KIDINS220: variants seen among roughly 807,000 people sequenced by gnomAD.
The protein encoded by KIDINS220 is kinase D-interacting substrate of 220 kDa.
KIDINS220 carries 63 observed loss-of-function variants against 157.6 expected under a neutral mutation model. That is an observed-to-expected ratio of 0.40 (90% confidence interval 0.33 to 0.49). The LOEUF is 0.49. Ranked by LOEUF, KIDINS220 falls within the 20% of genes least tolerant of loss-of-function variation. The pLI, the probability that KIDINS220 is intolerant of heterozygous loss-of-function variation, is 0.66. For missense variants in KIDINS220, 1,772 were observed against 2,171.2 expected (o/e 0.82, Z 3.65); for synonymous variants, 732 against 783.6 (o/e 0.93, Z 1.10).
At chr2:8,793,735 G>T in intron 12 of KIDINS220, 75 bp downstream of exon 12, 1 of 1,349,702 alleles carries the variant, frequency 7.4e-7, no homozygotes, top group Non-Finnish European at 1.0e-6. Context: ...CACCATGCCT[G>T]GCCTTATTTT....
At chr2:8,790,178 CT>C (rs1673000720) in intron 13 of KIDINS220, 119 bp from the exon 14 acceptor site, 2 of 866,178 alleles carry the variant, frequency 2.3e-6, no homozygotes, top group Admixed American at 3.1e-5. Context: ...TAGTAGGTCC[CT>C]AGATGGAATA....
downstream of KIDINS220, among the ~76,000 whole-genome samples, chr2:8,725,994 G>A (rs189408509): frequency 1.6e-4 from 24 of 152,260 alleles, no homozygotes; most frequent in East Asian, 9.7e-4. Flanking sequence ...CTGAAGCTCC[G>A]CAGGCAGACT....
intron 27 of KIDINS220, among the ~76,000 whole-genome samples, chr2:8,735,448 C>T (rs1664733695): frequency 1.3e-5 from 2 of 152,120 alleles, no homozygotes; most frequent in Admixed American, 1.3e-4. Context: ...AGGAGGATCG[C>T]TTGCACCCAG....
In KIDINS220 at chr2:8,729,361, A is replaced by G. The variant is rs893276912; in HGVS notation, c.*1359T>C. On this transcript the variant is annotated 3_prime_UTR_variant, in exon 30 of 30. Transcript: ENST00000256707. The stretch of plus-strand genomic sequence containing the variant: ...ATCGAAAATGTAACACTGAATCTAG[A>G]TAATAGCGCATCTGCGATCTCACCA... The G allele has an allele frequency of 2.0e-6, 2 of 985,382 alleles. No homozygotes were observed. Among genetic ancestry groups the G allele is most frequent in the African/African-American group, 1.7e-5 (1 of 57,264 alleles). The allele number at this position is 985,382 out of a possible 1,614,324, so 61.0% of individuals were successfully genotyped here.
chr2:8,814,623 C>T (rs1044205704), intron 4 of KIDINS220, among the ~76,000 whole-genome samples: 1 of 152,200 alleles, frequency 6.6e-6, no homozygotes, highest in Non-Finnish European at 1.5e-5. Context: ...ATGGTAGTAA[C>T]TGCTGCAAGT....
intron 17 of KIDINS220, among the ~76,000 whole-genome samples, chr2:8,781,880 G>T (rs13404432): frequency 1.3e-5 from 2 of 152,010 alleles, no homozygotes; most frequent in Non-Finnish European, 2.9e-5. Flanking sequence ...CCAGCACTTT[G>T]GGAGGCCAAG....
In KIDINS220 at chr2:8,817,696, T is replaced by G; in HGVS notation, c.228A>C (p.Ile76=). The G allele has an allele frequency of 6.2e-7, 1 of 1,605,168 alleles. No individual in the cohort carries two copies. Among genetic ancestry groups the G allele is most frequent in the Non-Finnish European group, 8.5e-7 (1 of 1,175,406 alleles). The change falls in exon 4 of 30, where the codon ATA becomes ATC. Residue 76 remains isoleucine, a synonymous_variant. Coordinates refer to ENST00000256707, the MANE Select transcript of KIDINS220 (RefSeq NM_020738.4). ...GCACATGCCCTTCTTTCGATGCAGA[T>G]ATAAGTGCTGTCCAATTATCCTTGA... ...LEDLDNWTAL[I]SASKEGHVHI...
intron 29 of KIDINS220, 48 bp downstream of exon 29, chr2:8,733,396 C>CG: frequency 6.9e-7 from 1 of 1,442,902 alleles, no homozygotes; most frequent in Non-Finnish European, 9.7e-7. Flanking sequence ...GTGAACTGAA[C>CG]GGTGTGCTTA....
intron 1 of KIDINS220, among the ~76,000 whole-genome samples, chr2:8,833,340 C>A (rs1679924934): frequency 6.6e-6 from 1 of 152,148 alleles, no homozygotes; most frequent in African/African-American, 2.4e-5. Flanking sequence ...TACATAATAA[C>A]AGAATATGAT....
At chr2:8,782,354 G>GA (rs1391543064) in intron 17 of KIDINS220, among the ~76,000 whole-genome samples, 3 of 152,008 alleles carry the variant, frequency 2.0e-5, no homozygotes, top group African/African-American at 7.2e-5. Flanking sequence ...ACAAATAAAA[G>GA]AGAGGCTACC....
intron 14 of KIDINS220, among the ~76,000 whole-genome samples, chr2:8,789,349 G>A (rs1226144756): frequency 8.0e-5 from 4 of 50,016 alleles, no homozygotes; most frequent in Admixed American, 3.0e-4. Context: ...GAGCAGTGGC[G>A]CCATCTCGGC....
chr2:8,786,378 A>C, intron 15 of KIDINS220, 21 bp from the exon 16 acceptor site: 1 of 1,589,726 alleles, frequency 6.3e-7, no homozygotes. Context: ...AGAACAAATC[A>C]AACATTACTT....
Position 8,736,975 on chromosome 2 carries a change from C to A in KIDINS220, c.3610G>T (p.Val1204Leu), listed in dbSNP as rs760796094. 6.2e-7 allele frequency: 1 copy of A among 1,614,184 alleles called. No individual in the cohort carries two copies. Among genetic ancestry groups the A allele is most frequent in the African/African-American group, 1.3e-5 (1 of 75,050 alleles). ...ACATTCAGTGAATTCAGTAATACCA[C>A]TGGGCCTGGGGCTGGGCCTGACCCC... ...SRGSGPAPGP[V>L]VLLNSLNVDA... is the part of the protein sequence containing the mutation. The change falls in exon 27 of 30, where the codon GTG (valine) becomes TTG (leucine). Residue 1204 changes from valine to leucine, a missense_variant. By Grantham distance (32) the Val-to-Leu change is conservative. This residue lies in a region of KIDINS220 where 793 missense variants were observed against 885.5 expected (regional missense o/e 0.90). Transcript: ENST00000256707.
At chr2:8,796,655 A>G (rs1449963005) in intron 11 of KIDINS220, 116 bp downstream of exon 11, 2 of 806,680 alleles carry the variant, frequency 2.5e-6, no homozygotes, top group African/African-American at 3.4e-5. Context: ...AGACATCCCC[A>G]GCAAGTCATC....
chr2:8,820,575 T>C (rs1049638734), intron 2 of KIDINS220, among the ~76,000 whole-genome samples: 12 of 152,192 alleles, frequency 7.9e-5, no homozygotes, highest in African/African-American at 9.7e-5. Flanking sequence ...ACGTTAAATA[T>C]AGACATTCCT....
intron 13 of KIDINS220, among the ~76,000 whole-genome samples, chr2:8,790,735 A>G (rs895160096): frequency 7.2e-5 from 11 of 152,220 alleles, no homozygotes; most frequent in African/African-American, 2.7e-4. Flanking sequence ...CTGTTCTTGC[A>G]AGAGCAAACA....
intron 1 of KIDINS220, among the ~76,000 whole-genome samples, chr2:8,827,899 CGT>C (rs1447227884): frequency 6.6e-6 from 1 of 152,120 alleles, no homozygotes; most frequent in Admixed American, 6.5e-5. Flanking sequence ...TGGGCCCCAC[CGT>C]CAGAGATTCT....
intron 21 of KIDINS220, among the ~76,000 whole-genome samples, chr2:8,771,857 GAC>G (rs956702909): frequency 1.5e-4 from 23 of 152,250 alleles, no homozygotes; most frequent in African/African-American, 5.5e-4. Context: ...CATTGATGGA[GAC>G]ATGGCTATGC....
At chr2:8,770,603 C>T (rs1011270498) in intron 22 of KIDINS220, 67 bp downstream of exon 22, 21 of 811,342 alleles carry the variant, frequency 2.6e-5, no homozygotes, top group South Asian at 1.2e-4. Context: ...CTGCTTTATA[C>T]GCGTTTTTTT....
Sources: allele counts gnomAD v4.1 joint callset (sites outside exome capture counted in the v4.1 genomes callset), GRCh38; gene constraint gnomAD v4.1.1; regional missense constraint gnomAD v4.1.1; transcripts MANE v1.5; gene names NCBI Gene and HGNC (gene_info 2026-07-23, HGNC 2026-07-21).